Variants in DNAH3 observed in about 807,000 individuals in gnomAD.
DNAH3 encodes dynein axonemal heavy chain 3.
DNAH3 carries 332 observed loss-of-function variants against 432.5 expected under a neutral mutation model. That is an observed-to-expected ratio of 0.77 (90% CI 0.70 to 0.84). DNAH3 has a LOEUF of 0.84. DNAH3 is among the 40% of genes least tolerant of loss of function. The pLI is 0.00. For missense variants in DNAH3, 4,861 were observed against 5,114.0 expected, an observed-to-expected ratio of 0.95 and a Z score of 1.51; for synonymous variants, 1,956 against 1,900.2, an observed-to-expected ratio of 1.03 and a Z score of -0.76.
chr16:21,058,270 C>T, intron 26 of DNAH3, 74 bp from the exon 27 acceptor site: 1 of 844,484 alleles, frequency 1.2e-6, no homozygotes, highest in Non-Finnish European at 2.0e-6. Context: ...AAACATGCCC[C>T]AACCACCTCA....
At chr16:21,102,444 G>C (rs1038206563) in intron 16 of DNAH3, among the ~76,000 whole-genome samples, 6 of 152,176 alleles carry the variant, frequency 3.9e-5, no homozygotes, top group Non-Finnish European at 7.3e-5. Context: ...AGAGGTCCCT[G>C]TTCAAAGGGA....
intron 53 of DNAH3, among the ~76,000 whole-genome samples, chr16:20,960,702 C>T (rs2084779641): frequency 6.6e-6 from 1 of 152,164 alleles, no homozygotes; most frequent in Non-Finnish European, 1.5e-5. Flanking sequence ...AAGACTCCAT[C>T]TCAAACAAAC....
rs775600804 is a variant in DNAH3 at position 21,140,518 on chromosome 16, G to C, written c.696+18C>G. ...TAACCCTCAGCAAACCGAGGGAAAGGGGGCAACAGGAACGTACCTCCAGGT... is the reference window on the plus strand; with the variant it reads ...TAACCCTCAGCAAACCGAGGGAAAGCGGGCAACAGGAACGTACCTCCAGGT... On this transcript the variant is annotated intron_variant, in intron 5 of 61. Coordinates refer to ENST00000261383, the Ensembl canonical transcript of DNAH3. 5.0e-6 allele frequency: 8 copies of C among 1,607,744 alleles called. No individual in the cohort carries two copies. The highest frequency in any genetic ancestry group is 6.0e-6 in the Non-Finnish European group (7 of 1,175,136).
At chr16:21,008,877 G>T (rs2087448048) in intron 41 of DNAH3, among the ~76,000 whole-genome samples, 1 of 152,098 alleles carries the variant, frequency 6.6e-6, no homozygotes, top group Admixed American at 6.5e-5. Flanking sequence ...TTCATTCTTT[G>T]GTTATTGCTG....
At chr16:21,033,515 G>A (rs371368323) in intron 36 of DNAH3, among the ~76,000 whole-genome samples, 5 of 152,090 alleles carry the variant, frequency 3.3e-5, no homozygotes, top group Non-Finnish European at 5.9e-5. Context: ...GTCTGAGTCT[G>A]ATTCAAAAGC....
At chr16:20,993,271 T>G (rs528211981) in intron 44 of DNAH3, among the ~76,000 whole-genome samples, 2 of 152,314 alleles carry the variant, frequency 1.3e-5, no homozygotes, top group South Asian at 4.1e-4. Flanking sequence ...CGTTTTCAAC[T>G]GTTCTATATC....
intron 51 of DNAH3, among the ~76,000 whole-genome samples, chr16:20,971,686 T>C (rs1053304894): frequency 4.6e-5 from 7 of 152,164 alleles, no homozygotes; most frequent in Non-Finnish European, 8.8e-5. Flanking sequence ...ACAAACCTTG[T>C]GCGATCACTC....
chr16:21,007,689 C>T (rs548067540), intron 41 of DNAH3, among the ~76,000 whole-genome samples: 15 of 152,182 alleles, frequency 9.9e-5, no homozygotes, highest in African/African-American at 1.7e-4. Flanking sequence ...CTTTGAAGCA[C>T]GAAAGTTTTT....
intron 20 of DNAH3, among the ~76,000 whole-genome samples, chr16:21,081,174 C>T (rs113297660): frequency 9.2e-4 from 140 of 152,114 alleles, no homozygotes; most frequent in African/African-American, 3.3e-3. Flanking sequence ...CTGCCTCGGC[C>T]CCCCAGAGTG....
At chr16:21,140,506 A>G in intron 5 of DNAH3, 30 bp downstream of exon 6, 1 of 1,603,612 alleles carries the variant, frequency 6.2e-7, no homozygotes, top group South Asian at 1.1e-5. Context: ...CCCTCAGCAA[A>G]CCGAGGGAAA....
chr16:20,984,548 C>G (rs551194199), intron 48 of DNAH3, among the ~76,000 whole-genome samples: 120 of 152,196 alleles, frequency 7.9e-4, no homozygotes, highest in African/African-American at 2.8e-3. Context: ...GAGGAGAATT[C>G]AGGAAATTGA....
chr16:21,079,456 T>G (rs1039301020), intron 20 of DNAH3, among the ~76,000 whole-genome samples: 1 of 151,952 alleles, frequency 6.6e-6, no homozygotes, highest in African/African-American at 2.4e-5. Context: ...AAACCCCATC[T>G]CTACAAAAAT....
chr16:21,051,622 C>A lies in DNAH3; in HGVS notation c.4238+48G>T, dbSNP rs367988011. 24 of 1,581,160 alleles carry A rather than the reference C, an allele frequency of 1.5e-5. No homozygotes were observed. The African/African-American group carries it at 3.1e-4, about 20-fold the overall frequency. The stretch of plus-strand genomic sequence containing the variant: ...ACTTTCCTCCCCAGAGTCTTCTTCC[C>A]CTGGAGTTCTCCGTTCACCCCTCAG... On this transcript the variant is annotated intron_variant, in intron 29 of 61. Transcript: ENST00000261383.
At position 20,969,822 on chromosome 16, in the gene DNAH3, G is replaced by C. The variant is rs1001352827; in HGVS notation, c.8428C>G (p.Pro2810Ala). 3 of 1,614,010 alleles carry C rather than the reference G, an allele frequency of 1.9e-6. No homozygotes were observed. Among genetic ancestry groups the C allele is most frequent in the Non-Finnish European group, 2.5e-6 (3 of 1,180,038 alleles). ...CCACTGGGGTCTGGCTTCCTCTCTG[G>C]CTTCATCCCTTTCATGATGCAGATG... The change falls in exon 52 of 62, where the codon CCA becomes GCA. Residue 2810 changes from proline (P) to alanine (A), a missense_variant. Pro to Ala is a conservative substitution (Grantham distance 27). Transcript: ENST00000261383.
intron 6 of DNAH3, 45 bp from the exon 8 acceptor site, chr16:21,134,499 T>C (rs766055142): frequency 2.6e-6 from 4 of 1,543,090 alleles, no homozygotes; most frequent in Middle Eastern, 1.7e-4. Context: ...GCTCTAAGGG[T>C]TGTGCTCTTA....
chr16:20,997,684 A>G (rs1415269377), intron 43 of DNAH3, among the ~76,000 whole-genome samples: 1 of 151,976 alleles, frequency 6.6e-6, no homozygotes, highest in Non-Finnish European at 1.5e-5. Context: ...CGTGACTATA[A>G]GGATGCATAG....
chr16:21,069,962 T>G (rs2090721116), intron 22 of DNAH3, among the ~76,000 whole-genome samples: 1 of 152,174 alleles, frequency 6.6e-6, no homozygotes, highest in Non-Finnish European at 1.5e-5. Context: ...ATGTAGAAAC[T>G]GAAACACAAC....
Position 21,113,216 on chromosome 16 carries a change from C to T in DNAH3, c.1815-1118G>A, listed in dbSNP as rs142539623. On this transcript the variant is annotated intron_variant, in intron 12 of 61. Transcript: ENST00000261383. ...TGAATTGTATCTCCCAGAATTCCCA[C>T]TTGTTGTGGGAGGGACCCAGGGGGA... Among the ~76,000 whole-genome samples the T allele has an allele frequency of 1.4e-3, 206 of 152,296 alleles. 2 individuals carry two copies. The highest frequency in any genetic ancestry group is 4.6e-3 in the African/African-American group (192 of 41,578).
At chr16:21,151,278 G>A (rs2092850195) in intron 1 of DNAH3, among the ~76,000 whole-genome samples, 2 of 151,184 alleles carry the variant, frequency 1.3e-5, no homozygotes, top group African/African-American at 4.9e-5. Context: ...AGAGCGATTT[G>A]CATATAGTAG....
Sources: gnomAD v4.1 joint callset for allele counts (sites outside exome capture counted in the v4.1 genomes callset) on GRCh38, gnomAD v4.1.1 for gene constraint, MANE v1.5 for transcripts, NCBI Gene and HGNC (gene_info 2026-07-23, HGNC 2026-07-21) for gene names.